PTPRD: variants seen among roughly 807,000 people sequenced by gnomAD.
PTPRD encodes the protein receptor-type tyrosine-protein phosphatase delta.
In PTPRD, 34 loss-of-function variants were observed where a neutral mutation model predicts 214.5. The observed-to-expected ratio is 0.16, with a 90% confidence interval of 0.12 to 0.21. The LOEUF (loss-of-function observed/expected upper bound fraction) is 0.21. Ranked by LOEUF, PTPRD falls within the 10% of genes least tolerant of loss-of-function variation. The probability of loss-of-function intolerance (pLI) is 1.00; values close to 1 mark genes in which losing one functional copy is unlikely to be tolerated. For missense variants in PTPRD, 2,545 were observed against 2,398.7 expected (o/e 1.06, Z -1.27); for synonymous variants, 1,128 against 845.7 (o/e 1.33, Z -5.79).
intron 8 of PTPRD, among the ~76,000 whole-genome samples, chr9:9,555,118 G>C (rs769676033): frequency 5.9e-5 from 9 of 152,012 alleles, no homozygotes; most frequent in Non-Finnish European, 1.0e-4. Flanking sequence ...TTTTGAGCAT[G>C]GACTTTAGAA....
intron 9 of PTPRD, among the ~76,000 whole-genome samples, chr9:9,361,778 G>T (rs2056259243): frequency 6.6e-6 from 1 of 151,048 alleles, no homozygotes; most frequent in Non-Finnish European, 1.5e-5. Context: ...CCACATGGAA[G>T]ATTAGATTTC....
At chr9:9,917,302 GAAAAAA>G (rs140708788) in intron 5 of PTPRD, among the ~76,000 whole-genome samples, 6 of 21,196 alleles carry the variant, frequency 2.8e-4, no homozygotes, top group South Asian at 2.9e-3. Flanking sequence ...TAGCTAGACT[GAAAAAA>G]AAAAAAAAAA....
chr9:9,929,440 C>T (rs149146370), intron 5 of PTPRD, among the ~76,000 whole-genome samples: 3 of 152,280 alleles, frequency 2.0e-5, no homozygotes, highest in Non-Finnish European at 4.4e-5. Flanking sequence ...TGTCACCAGG[C>T]TGAAGTGCAG....
chr9:10,131,859 G>A (rs373869626), intron 3 of PTPRD, among the ~76,000 whole-genome samples: 4 of 152,146 alleles, frequency 2.6e-5, no homozygotes, highest in East Asian at 1.9e-4. Context: ...TTTTCCCATC[G>A]CTTTGTGACA....
At position 9,106,041 on chromosome 9, in the gene PTPRD, T is replaced by C. The variant is rs557895224; in HGVS notation, c.-143+77263A>G. Reference sequence around the variant, plus strand: ...TCATAATTAGAAAAGGGGGGGTCGATGGCTGAGATACCTGGAAGAATTTCC... The same window carrying C: ...TCATAATTAGAAAAGGGGGGGTCGACGGCTGAGATACCTGGAAGAATTTCC... On this transcript the variant is annotated intron_variant, in intron 10 of 45. Coordinates refer to ENST00000381196, the MANE Select transcript of PTPRD (RefSeq NM_002839.4). Among the ~76,000 whole-genome samples, 30 of 152,234 alleles carry C rather than the reference T, an allele frequency of 2.0e-4. No individual in the cohort carries two copies. In the South Asian group the frequency reaches 6.0e-3, roughly 31 times the overall value.
intron 30 of PTPRD, among the ~76,000 whole-genome samples, chr9:8,481,538 C>A (rs1434401273): frequency 1.3e-5 from 2 of 151,952 alleles, no homozygotes; most frequent in Non-Finnish European, 2.9e-5. Context: ...AGTTTTTGAC[C>A]ACTTTTTGAA....
intron 11 of PTPRD, among the ~76,000 whole-genome samples, chr9:8,887,386 C>T (rs756166074): frequency 2.6e-5 from 4 of 152,136 alleles, no homozygotes; most frequent in African/African-American, 9.7e-5. Flanking sequence ...GAAGAAGTAA[C>T]AATTTTTATA....
At chr9:9,164,986 A>T (rs933689294) in intron 10 of PTPRD, among the ~76,000 whole-genome samples, 15 of 149,322 alleles carry the variant, frequency 1.0e-4, no homozygotes. Context: ...CAAGAGGCAG[A>T]GGTTGCAGTG....
At chr9:9,704,811 T>C (rs968872607) in intron 7 of PTPRD, among the ~76,000 whole-genome samples, 2 of 152,162 alleles carry the variant, frequency 1.3e-5, no homozygotes, top group South Asian at 2.1e-4. Flanking sequence ...CAGACATAAG[T>C]GAAACCATCT....
chr9:9,085,415 T>G (rs2099765603), intron 10 of PTPRD, among the ~76,000 whole-genome samples: 1 of 152,172 alleles, frequency 6.6e-6, no homozygotes, highest in African/African-American at 2.4e-5. Flanking sequence ...ATGCGAATAG[T>G]GCATATGTAA....
chr9:8,892,949 A>G (rs2098554534), intron 11 of PTPRD, among the ~76,000 whole-genome samples: 1 of 152,104 alleles, frequency 6.6e-6, no homozygotes, highest in African/African-American at 2.4e-5. Flanking sequence ...GAGTCATGAA[A>G]TTAAGATGTC....
intron 9 of PTPRD, among the ~76,000 whole-genome samples, chr9:9,239,613 A>T (rs866245364): frequency 2.0e-5 from 3 of 152,272 alleles, no homozygotes; most frequent in Non-Finnish European, 2.9e-5. Context: ...TCTTACACAC[A>T]TCTTGCTGTG....
chr9:8,464,227 T>C (rs891772697), intron 32 of PTPRD, among the ~76,000 whole-genome samples: 1 of 151,974 alleles, frequency 6.6e-6, no homozygotes, highest in Admixed American at 6.6e-5. Flanking sequence ...AGTATGCTTT[T>C]TGAAATGTTC....
intron 37 of PTPRD, among the ~76,000 whole-genome samples, chr9:8,379,548 T>C (rs2084315008): frequency 6.6e-6 from 1 of 152,196 alleles, no homozygotes; most frequent in Non-Finnish European, 1.5e-5. Flanking sequence ...AATAGAGATA[T>C]TTTTTCTTTC....
At chr9:10,502,911 C>T (rs1284218901) in intron 2 of PTPRD, among the ~76,000 whole-genome samples, 1 of 151,952 alleles carries the variant, frequency 6.6e-6, no homozygotes, top group Non-Finnish European at 1.5e-5. Context: ...ATAGCAATCC[C>T]TCTAAAACAT....
intron 39 of PTPRD, among the ~76,000 whole-genome samples, chr9:8,372,881 C>T (rs1387096478): frequency 6.6e-6 from 1 of 151,970 alleles, no homozygotes; most frequent in Non-Finnish European, 1.5e-5. Flanking sequence ...TTTTGGGCTA[C>T]TACCTGACTT....
chr9:8,985,569 A>C (rs2099338383), intron 11 of PTPRD, among the ~76,000 whole-genome samples: 1 of 151,918 alleles, frequency 6.6e-6, no homozygotes, highest in Non-Finnish European at 1.5e-5. Context: ...AATTTGCTCA[A>C]GATTATACAC....
intron 3 of PTPRD, among the ~76,000 whole-genome samples, chr9:10,233,743 C>G (rs2099619968): frequency 6.6e-6 from 1 of 151,892 alleles, no homozygotes; most frequent in Non-Finnish European, 1.5e-5. Flanking sequence ...GATAAATTTT[C>G]ATATTCAGCT....
intron 11 of PTPRD, among the ~76,000 whole-genome samples, chr9:9,012,877 T>A (rs1452506836): frequency 6.6e-6 from 1 of 152,184 alleles, no homozygotes; most frequent in Non-Finnish European, 1.5e-5. Context: ...TGCCTTTGTA[T>A]TCACTATCTA....
Sources: allele counts gnomAD v4.1 joint callset (sites outside exome capture counted in the v4.1 genomes callset), GRCh38; gene constraint gnomAD v4.1.1; transcripts MANE v1.5; gene names NCBI Gene and HGNC (gene_info 2026-07-23, HGNC 2026-07-21).